Variants in RHOBTB3 observed in about 807,000 individuals in gnomAD.
The protein encoded by RHOBTB3 is Rho related BTB domain containing 3.
RHOBTB3 carries 47 observed loss-of-function variants against 67.2 expected under a neutral mutation model. The ratio of observed to expected loss-of-function variants is 0.70; its 90% confidence interval spans 0.55 to 0.89. The LOEUF (loss-of-function observed/expected upper bound fraction) is 0.89, where lower values mean the gene tolerates loss of function less well. RHOBTB3 is among the 40% of genes least tolerant of loss of function. The pLI, the probability that RHOBTB3 is intolerant of heterozygous loss-of-function variation, is 0.00. For synonymous variants in RHOBTB3, 273 were observed against 274.2 expected (o/e 1.00, Z 0.04); for missense variants, 631 against 750.0 (o/e 0.84, Z 1.85).
chr5:95,736,934 G>A lies in RHOBTB3; in HGVS notation c.274G>A (p.Gly92Ser), dbSNP rs1755467353. The part of the protein sequence containing the change: ...DWYTSRNLIG[G>S]ADIIVIKYNV... ...GTACACTTCTCGAAATCTAATTGGG[G>A]GCGCTGACATCATTGTGATCAAATA... The change falls in exon 3 of 12, where the codon GGC becomes AGC. Residue 92 changes from glycine (G) to serine (S), a missense_variant. Transcript: ENST00000379982. 2.5e-6 allele frequency: 4 copies of A among 1,611,614 alleles called. No homozygotes were observed. In the East Asian group the frequency reaches 9.0e-5, roughly 36 times the overall value.
Position 95,768,178 on chromosome 5 carries a change from CT to C in RHOBTB3, c.1282+16del. ...CTTCGAAATTCAAGGTACGGATCAACTTTTACAAAGTTTATGATTCATTTTT... is the reference window on the plus strand; with the variant it reads ...CTTCGAAATTCAAGGTACGGATCAACTTTACAAAGTTTATGATTCATTTTT... On this transcript the variant is annotated intron_variant, in intron 8 of 11. Coordinates refer to ENST00000379982, the MANE Select transcript of RHOBTB3 (RefSeq NM_014899.4). 1 of 1,597,900 alleles carries C rather than the reference CT, an allele frequency of 6.3e-7. No individual in the cohort carries two copies. The highest frequency in any genetic ancestry group is 8.5e-7 in the Non-Finnish European group (1 of 1,174,952).
chr5:95,763,691 A>C, intron 7 of RHOBTB3, 71 bp downstream of exon 7: 1 of 874,094 alleles, frequency 1.1e-6, no homozygotes, highest in Non-Finnish European at 1.9e-6. Context: ...TGATGAATAT[A>C]AAATTGAGTC....
At position 95,755,091 on chromosome 5, in the gene RHOBTB3, G is replaced by A. The variant is rs141325980; in HGVS notation, c.683-305G>A. On this transcript the variant is annotated intron_variant, in intron 5 of 11. Transcript: ENST00000379982. ...AGAAGAAATGTTATTTTATTGTTCC[G>A]TACGTCATTAGTGGGTTTTTCATTT... Among the ~76,000 whole-genome samples the A allele has an allele frequency of 4.9e-4, 75 of 152,274 alleles. No homozygotes were observed. In the East Asian group the frequency reaches 9.1e-3, roughly 18 times the overall value.
intron 4 of RHOBTB3, 130 bp from the exon 5 acceptor site, chr5:95,752,109 G>A (rs1037483718): frequency 6.7e-6 from 4 of 596,988 alleles, no homozygotes; most frequent in Non-Finnish European, 8.9e-6. Context: ...GTTTATATGT[G>A]TTTGCTAATG....
chr5:95,793,360 T>C lies in RHOBTB3; in HGVS notation c.*186T>C, dbSNP rs1462392676. ...TGTGGTCTTAAAAGGGAACAAAATATACCATAGGCTAAAACTAAGGCTTTC... is the reference window on the plus strand; with the variant it reads ...TGTGGTCTTAAAAGGGAACAAAATACACCATAGGCTAAAACTAAGGCTTTC... On this transcript the variant is annotated 3_prime_UTR_variant, in exon 12 of 12. Coordinates refer to ENST00000379982, the MANE Select transcript of RHOBTB3 (RefSeq NM_014899.4). 2.3e-6 allele frequency: 1 copy of C among 443,964 alleles called. No homozygotes were observed. The highest frequency in any genetic ancestry group is 4.0e-6 in the Non-Finnish European group (1 of 251,666). 27.5% of individuals were successfully genotyped at this position (443,964 alleles called of 1,614,324 possible).
chr5:95,733,380 G>C (rs1317399729), intron 2 of RHOBTB3, among the ~76,000 whole-genome samples: 3 of 152,152 alleles, frequency 2.0e-5, no homozygotes, highest in African/African-American at 7.2e-5. Context: ...GGTTCAACAT[G>C]CAGTTGAATA....
intron 9 of RHOBTB3, 71 bp from the exon 10 acceptor site, chr5:95,783,726 G>C: frequency 7.7e-7 from 1 of 1,306,100 alleles, no homozygotes; most frequent in South Asian, 1.4e-5. Flanking sequence ...TTTTTTGTTG[G>C]TGGGGGGTGT....
intron 6 of RHOBTB3, among the ~76,000 whole-genome samples, chr5:95,756,865 A>C (rs72783470): frequency 0.04 from 6,088 of 152,318 alleles, 190 homozygotes; most frequent in South Asian, 0.14. Context: ...TCTTTAAAAA[A>C]CATCCAAAAT....
chr5:95,769,176 G>T, intron 8 of RHOBTB3: 1 of 345,178 alleles, frequency 2.9e-6, no homozygotes, highest in South Asian at 2.9e-5. Context: ...GAAGAACTGT[G>T]ATTATTGAAT....
intron 7 of RHOBTB3, among the ~76,000 whole-genome samples, chr5:95,764,105 CGG>C (rs765630353): frequency 4.2e-4 from 64 of 152,270 alleles, no homozygotes; most frequent in South Asian, 2.3e-3. Flanking sequence ...CCACCACACT[CGG>C]CCCTATCTTA....
chr5:95,731,488 C>G lies in RHOBTB3; in HGVS notation c.-195C>G. 1 of 1,239,352 alleles carries G rather than the reference C, an allele frequency of 8.1e-7. No individual in the cohort carries two copies. The highest frequency in any genetic ancestry group is 1.0e-6 in the Non-Finnish European group (1 of 995,416). 76.8% of individuals were successfully genotyped at this position (1,239,352 alleles called of 1,614,324 possible). A position where few individuals can be genotyped will look rare whatever the true frequency, so the allele number is the denominator to read the frequency against. On this transcript the variant is annotated 5_prime_UTR_variant, in exon 1 of 12. Transcript: ENST00000379982. ...AGCTTATCCCCCGCCCGCTAGCCCG[C>G]CCTGGTCCCCGGCTCGCTCGCTGGC...
At chr5:95,720,880 T>C (rs1249701407) in intron 1 of RHOBTB3, among the ~76,000 whole-genome samples, 2 of 152,222 alleles carry the variant, frequency 1.3e-5, no homozygotes, top group Non-Finnish European at 2.9e-5. Context: ...TGCACTAACT[T>C]GTTCAACAAA....
intron 1 of RHOBTB3, among the ~76,000 whole-genome samples, chr5:95,725,567 A>G (rs1255263148): frequency 6.6e-6 from 1 of 152,226 alleles, no homozygotes; most frequent in East Asian, 1.9e-4. Flanking sequence ...TTTATTTTAT[A>G]ATTATTTATT....
At chr5:95,725,236 C>T (rs183478790) in intron 1 of RHOBTB3, among the ~76,000 whole-genome samples, 48 of 152,238 alleles carry the variant, frequency 3.2e-4, no homozygotes, top group Middle Eastern at 3.4e-3. Context: ...GAAAAACAAA[C>T]CACAGCTACA....
intron 4 of RHOBTB3, among the ~76,000 whole-genome samples, chr5:95,750,090 A>G (rs1300324036): frequency 2.6e-5 from 4 of 152,230 alleles, no homozygotes; most frequent in Non-Finnish European, 2.9e-5. Flanking sequence ...TTTACTTTCT[A>G]GTAAAGTACA....
At chr5:95,720,503 C>T (rs971049739) in intron 1 of RHOBTB3, among the ~76,000 whole-genome samples, 1 of 152,172 alleles carries the variant, frequency 6.6e-6, no homozygotes, top group African/African-American at 2.4e-5. Flanking sequence ...TGGAGAGTTA[C>T]TAATAGTGTA....
intron 8 of RHOBTB3, among the ~76,000 whole-genome samples, chr5:95,772,362 T>TG (rs1425306276): frequency 6.6e-6 from 1 of 152,222 alleles, no homozygotes; most frequent in Non-Finnish European, 1.5e-5. Flanking sequence ...TTCTAGCTAC[T>TG]GGTTCCATGG....
intron 6 of RHOBTB3, among the ~76,000 whole-genome samples, chr5:95,757,898 C>T (rs1346425045): frequency 3.3e-5 from 5 of 152,078 alleles, no homozygotes; most frequent in African/African-American, 4.8e-5. Flanking sequence ...TAGATTTTGA[C>T]GTTTAAACTT....
intron 3 of RHOBTB3, among the ~76,000 whole-genome samples, chr5:95,743,089 A>T (rs1755645419): frequency 6.6e-6 from 1 of 152,186 alleles, no homozygotes; most frequent in East Asian, 1.9e-4. Flanking sequence ...AAAAAATAAA[A>T]AATAAATAAA....
Sources: allele counts gnomAD v4.1 joint callset (sites outside exome capture counted in the v4.1 genomes callset), GRCh38; gene constraint gnomAD v4.1.1; transcripts MANE v1.5; gene names NCBI Gene and HGNC (gene_info 2026-07-23, HGNC 2026-07-21).